FHIT: variants seen among roughly 807,000 people sequenced by gnomAD.
FHIT encodes the protein fragile histidine triad diadenosine triphosphatase, also known as bis(5'-adenosyl)-triphosphatase.
In FHIT, 19 loss-of-function variants were observed where a neutral mutation model predicts 17.9. That is an observed-to-expected ratio of 1.06 (90% confidence interval 0.74 to 1.56). FHIT has a LOEUF of 1.56. Ranked by LOEUF, FHIT falls within the 40% of genes most tolerant of loss-of-function variation. FHIT has a pLI of 0.00. For missense variants in FHIT, 248 were observed against 189.2 expected (o/e 1.31, Z -1.82); for synonymous variants, 81 against 69.7 (o/e 1.16, Z -0.81).
At chr3:60,754,909 A>T (rs77255979) in intron 4 of FHIT, among the ~76,000 whole-genome samples, 2,367 of 152,242 alleles carry the variant, frequency 0.016, 59 homozygotes, top group African/African-American at 0.053. Context: ...CCTTCCTCTC[A>T]AGAAAGTATA....
intron 4 of FHIT, among the ~76,000 whole-genome samples, chr3:60,712,737 T>C (rs574613461): frequency 1.5e-4 from 22 of 147,986 alleles, no homozygotes; most frequent in African/African-American, 5.2e-4. Flanking sequence ...CTATCCTAAA[T>C]ATATATGCAC....
chr3:60,416,815 G>T (rs540252971), intron 5 of FHIT, among the ~76,000 whole-genome samples: 1 of 152,188 alleles, frequency 6.6e-6, no homozygotes, highest in African/African-American at 2.4e-5. Flanking sequence ...GGCCGGGTGC[G>T]GCAGCTGATG....
intron 3 of FHIT, among the ~76,000 whole-genome samples, chr3:60,943,185 G>A (rs182347907): frequency 1.3e-5 from 2 of 152,166 alleles, no homozygotes; most frequent in East Asian, 3.9e-4. Context: ...TGATTTATCA[G>A]TGTCTGAGAG....
At chr3:60,862,851 C>CAAAA (rs35183529) in intron 3 of FHIT, among the ~76,000 whole-genome samples, 1 of 107,630 alleles carries the variant, frequency 9.3e-6, no homozygotes, top group African/African-American at 3.2e-5. Flanking sequence ...AACTCCCTCT[C>CAAAA]AAAAAAAAAA....
chr3:60,607,610 C>T (rs1229927049), intron 4 of FHIT, among the ~76,000 whole-genome samples: 1 of 151,934 alleles, frequency 6.6e-6, no homozygotes, highest in Admixed American at 6.6e-5. Flanking sequence ...ATCACAATTT[C>T]CCACACCACA....
intron 5 of FHIT, among the ~76,000 whole-genome samples, chr3:60,336,735 T>C (rs2106878488): frequency 1.3e-5 from 2 of 152,264 alleles, no homozygotes; most frequent in South Asian, 4.1e-4. Flanking sequence ...CTGCAGAAAG[T>C]TCCGTTAGAC....
intron 8 of FHIT, among the ~76,000 whole-genome samples, chr3:59,800,982 A>G (rs1387779888): frequency 1.3e-5 from 2 of 152,210 alleles, no homozygotes; most frequent in East Asian, 3.9e-4. Flanking sequence ...AGCTCATCGC[A>G]AAGAGTTGTT....
At chr3:59,919,110 A>G (rs1243370048) in intron 8 of FHIT, among the ~76,000 whole-genome samples, 1 of 152,248 alleles carries the variant, frequency 6.6e-6, no homozygotes, top group East Asian at 1.9e-4. Flanking sequence ...ACTATTTGTT[A>G]CAGAACTTGT....
At chr3:59,752,396 G>A (rs893484856) in intron 8 of FHIT, 75 bp from the exon 9 acceptor site, 2 of 1,178,346 alleles carry the variant, frequency 1.7e-6, no homozygotes, top group Non-Finnish European at 2.4e-6. Flanking sequence ...GGGGGGCTGG[G>A]GGAGACTGAA....
intron 5 of FHIT, among the ~76,000 whole-genome samples, chr3:60,379,996 G>C (rs566028476): frequency 6.6e-6 from 1 of 152,236 alleles, no homozygotes; most frequent in East Asian, 1.9e-4. Flanking sequence ...CTAAAATTTA[G>C]ACAGGAGGTT....
intron 5 of FHIT, among the ~76,000 whole-genome samples, chr3:60,227,466 T>C (rs1704266911): frequency 6.6e-6 from 1 of 152,192 alleles, no homozygotes. Context: ...AAGTGTGTTA[T>C]GTTTTCATTA....
At chr3:60,915,936 T>C (rs1277208675) in intron 3 of FHIT, among the ~76,000 whole-genome samples, 2 of 152,108 alleles carry the variant, frequency 1.3e-5, no homozygotes, top group Non-Finnish European at 2.9e-5. Flanking sequence ...GTCTTCCCAC[T>C]CATGCTGTTA....
At chr3:60,488,808 G>A (rs1406142495) in intron 5 of FHIT, among the ~76,000 whole-genome samples, 2 of 152,128 alleles carry the variant, frequency 1.3e-5, no homozygotes, top group Admixed American at 6.6e-5. Flanking sequence ...TTGAGAGAAA[G>A]ACCAGTTATC....
chr3:60,815,451 A>T (rs1553737355), intron 4 of FHIT, among the ~76,000 whole-genome samples: 1 of 152,172 alleles, frequency 6.6e-6, no homozygotes, highest in African/African-American at 2.4e-5. Context: ...ATTCTTCTGT[A>T]TATGGCTAGC....
At chr3:60,709,447 T>C (rs1490069984) in intron 4 of FHIT, among the ~76,000 whole-genome samples, 3 of 152,218 alleles carry the variant, frequency 2.0e-5, no homozygotes, top group East Asian at 1.9e-4. Context: ...ACTTAACAAA[T>C]GGTAGTTTCT....
intron 2 of FHIT, among the ~76,000 whole-genome samples, chr3:61,100,233 C>A (rs752271474): frequency 1.3e-5 from 2 of 152,068 alleles, no homozygotes; most frequent in Non-Finnish European, 2.9e-5. Context: ...CCGACAGGAC[C>A]CAGTGTGTGA....
chr3:60,842,645 A>ATATTT (rs1396703397), intron 3 of FHIT, among the ~76,000 whole-genome samples: 3 of 94,598 alleles, frequency 3.2e-5, no homozygotes, highest in African/African-American at 1.2e-4. Flanking sequence ...ATATATATAT[A>ATATTT]TTTTTTTTTT....
chr3:60,415,999 AC>A (rs1483852027), intron 5 of FHIT, among the ~76,000 whole-genome samples: 1 of 150,562 alleles, frequency 6.6e-6, no homozygotes, highest in African/African-American at 2.4e-5. Flanking sequence ...TTGGCATAGT[AC>A]CTACCACACA....
intron 4 of FHIT, among the ~76,000 whole-genome samples, chr3:60,542,306 A>G (rs1043652130): frequency 3.9e-5 from 6 of 152,044 alleles, no homozygotes; most frequent in Non-Finnish European, 7.4e-5. Flanking sequence ...CCATTCTTAC[A>G]CGTTTCCCTG....
Sources: allele counts gnomAD v4.1 joint callset (sites outside exome capture counted in the v4.1 genomes callset), GRCh38; gene constraint gnomAD v4.1.1; transcripts MANE v1.5; gene names NCBI Gene and HGNC (gene_info 2026-07-23, HGNC 2026-07-21).